Variants in SNTG1 observed in about 807,000 individuals in gnomAD.
The protein encoded by SNTG1 is gamma-1-syntrophin.
SNTG1 carries 39 observed loss-of-function variants against 74.7 expected under a neutral mutation model. The observed-to-expected ratio is 0.52, with a 90% confidence interval of 0.40 to 0.68. The LOEUF (loss-of-function observed/expected upper bound fraction) is 0.68, where lower values mean the gene tolerates loss of function less well. Ranked by LOEUF, SNTG1 falls within the 30% of genes least tolerant of loss-of-function variation. SNTG1 has a pLI of 0.00. For synonymous variants in SNTG1, 254 were observed against 217.1 expected (o/e 1.17, Z -1.49); for missense variants, 685 against 609.5 (o/e 1.12, Z -1.30).
At chr8:50,479,644 C>T (rs1173983790) in intron 8 of SNTG1, among the ~76,000 whole-genome samples, 2 of 152,068 alleles carry the variant, frequency 1.3e-5, no homozygotes, top group African/African-American at 4.8e-5. Flanking sequence ...AGAGCCCTTC[C>T]TCTGCACTCA....
At chr8:50,318,851 T>G (rs1563890306) in intron 2 of SNTG1, among the ~76,000 whole-genome samples, 1 of 152,142 alleles carries the variant, frequency 6.6e-6, no homozygotes, top group Admixed American at 6.5e-5. Context: ...ACCTCTCTTT[T>G]TGAGGACTTT....
At chr8:50,780,075 CT>C (rs2131826053) in intron 18 of SNTG1, among the ~76,000 whole-genome samples, 1 of 152,248 alleles carries the variant, frequency 6.6e-6, no homozygotes, top group Admixed American at 6.5e-5. Context: ...GGTGGATAAG[CT>C]TTTTGATGTG....
intron 15 of SNTG1, among the ~76,000 whole-genome samples, chr8:50,681,234 T>C (rs985558786): frequency 2.0e-5 from 3 of 151,656 alleles, no homozygotes; most frequent in Non-Finnish European, 4.4e-5. Context: ...TACATGCTTA[T>C]GTTTTTTTGA....
chr8:50,482,061 C>G (rs1235434986), intron 8 of SNTG1, among the ~76,000 whole-genome samples: 2 of 152,170 alleles, frequency 1.3e-5, no homozygotes, highest in East Asian at 1.9e-4. Flanking sequence ...ATTTCCCAGT[C>G]CAGTGATCTG....
chr8:50,741,844 G>A (rs1430366188), intron 17 of SNTG1, among the ~76,000 whole-genome samples: 1 of 152,022 alleles, frequency 6.6e-6, no homozygotes, highest in Non-Finnish European at 1.5e-5. Flanking sequence ...AAAGACCAGT[G>A]GTTACCAGTG....
chr8:50,316,258 G>A (rs1191399091), intron 2 of SNTG1, among the ~76,000 whole-genome samples: 4 of 152,016 alleles, frequency 2.6e-5, no homozygotes, highest in African/African-American at 9.7e-5. Flanking sequence ...GAGCACATTT[G>A]TTAGAAAAAA....
chr8:50,060,704 C>T (rs574389570), intron 1 of SNTG1, among the ~76,000 whole-genome samples: 1 of 152,158 alleles, frequency 6.6e-6, no homozygotes, highest in South Asian at 2.1e-4. Context: ...TTTTAAAATG[C>T]TATTTCTCTA....
chr8:49,960,590 A>G (rs534721372), intron 1 of SNTG1, among the ~76,000 whole-genome samples: 1 of 152,262 alleles, frequency 6.6e-6, no homozygotes, highest in South Asian at 2.1e-4. Flanking sequence ...TAGCCATAAG[A>G]TGCTACAGTT....
chr8:50,104,320 T>A (rs934933710), intron 1 of SNTG1, among the ~76,000 whole-genome samples: 1 of 152,230 alleles, frequency 6.6e-6, no homozygotes, highest in Non-Finnish European at 1.5e-5. Context: ...GTTTATCCAT[T>A]TCTTCTAGAT....
intron 18 of SNTG1, among the ~76,000 whole-genome samples, chr8:50,757,309 C>T (rs1022296339): frequency 2.6e-5 from 4 of 151,750 alleles, no homozygotes; most frequent in African/African-American, 7.2e-5. Flanking sequence ...GTGGATTCTT[C>T]CATTTCTTCT....
chr8:50,433,819 G>A (rs185144705), intron 4 of SNTG1, among the ~76,000 whole-genome samples: 153 of 152,230 alleles, frequency 1.0e-3, no homozygotes, highest in Admixed American at 2.7e-3. Flanking sequence ...GAAAAAAGTC[G>A]AGGGCATAGT....
At chr8:50,361,780 A>C (rs1421829534) in intron 2 of SNTG1, among the ~76,000 whole-genome samples, 1 of 152,162 alleles carries the variant, frequency 6.6e-6, no homozygotes, top group Admixed American at 6.5e-5. Context: ...TACATGAGAT[A>C]GTCTATTGTT....
chr8:50,680,982 T>C, intron 15 of SNTG1, among the ~76,000 whole-genome samples: 1 of 152,172 alleles, frequency 6.6e-6, no homozygotes, highest in East Asian at 1.9e-4. Context: ...TTCGTTTGGT[T>C]TATCTTCTCC....
At chr8:50,487,451 A>G (rs2093806580) in intron 8 of SNTG1, among the ~76,000 whole-genome samples, 1 of 152,194 alleles carries the variant, frequency 6.6e-6, no homozygotes, top group South Asian at 2.1e-4. Flanking sequence ...ATGTCCAACA[A>G]TGATAGACTG....
At position 50,323,918 on chromosome 8, in the gene SNTG1, G is replaced by A. The variant is rs56890895; in HGVS notation, c.-27-70294G>A. On this transcript the variant is annotated intron_variant, in intron 2 of 18. Transcript: ENST00000642720. ...CTACAGCTAAGCTGGTGCTTAAATC[G>A]AATACTGGGGTTTGAAGAGGAAAGG... Among the ~76,000 whole-genome samples, 1,246 of 152,248 alleles carry A rather than the reference G, an allele frequency of 8.2e-3. 21 individuals are homozygous for A. Among genetic ancestry groups the A allele is most frequent in the African/African-American group, 0.028 (1,182 of 41,556 alleles).
chr8:50,761,727 A>T lies in SNTG1; in HGVS notation c.1395+9616A>T, dbSNP rs75243795. On this transcript the variant is annotated intron_variant, in intron 18 of 18. Coordinates refer to ENST00000642720, the MANE Select transcript of SNTG1 (RefSeq NM_018967.5). Reference sequence around the variant, plus strand: ...TTTAAGTTGGCAAAAGCACCATTCCAATCACAAATACACAGCAGTTCTACA... The same window carrying T: ...TTTAAGTTGGCAAAAGCACCATTCCTATCACAAATACACAGCAGTTCTACA... Among the ~76,000 whole-genome samples the T allele has an allele frequency of 4.1e-4, 62 of 152,080 alleles. No homozygotes were observed. In the East Asian group the frequency reaches 8.4e-3, roughly 21 times the overall value.
At chr8:50,376,788 A>T (rs2092396630) in intron 2 of SNTG1, among the ~76,000 whole-genome samples, 1 of 126,748 alleles carries the variant, frequency 7.9e-6, no homozygotes, top group Non-Finnish European at 1.8e-5. Flanking sequence ...GAGAGAGAAT[A>T]GTGCTTCCCC....
chr8:50,281,201 C>G (rs2088431192), intron 2 of SNTG1, among the ~76,000 whole-genome samples: 1 of 152,030 alleles, frequency 6.6e-6, no homozygotes, highest in South Asian at 2.1e-4. Flanking sequence ...CCTACTGCAA[C>G]AAAGAGTCTG....
chr8:50,006,613 T>G (rs573885495), intron 1 of SNTG1, among the ~76,000 whole-genome samples: 1 of 152,156 alleles, frequency 6.6e-6, no homozygotes, highest in Non-Finnish European at 1.5e-5. Context: ...AGAGACTGAT[T>G]GTCTGGCTCT....
Sources: gnomAD v4.1 joint callset for allele counts (sites outside exome capture counted in the v4.1 genomes callset) on GRCh38, gnomAD v4.1.1 for gene constraint, MANE v1.5 for transcripts, NCBI Gene and HGNC (gene_info 2026-07-23, HGNC 2026-07-21) for gene names.